Variants in MGMT observed in about 807,000 individuals in gnomAD.
MGMT encodes the protein methylated-DNA--protein-cysteine methyltransferase.
In MGMT, 14 loss-of-function variants were observed where a neutral mutation model predicts 15.9. The ratio of observed to expected loss-of-function variants is 0.88; its 90% CI spans 0.58 to 1.37. The LOEUF is 1.37. MGMT is among the 40% of genes most tolerant of loss of function. MGMT has a pLI of 0.00. For missense variants in MGMT, 282 were observed against 268.1 expected (o/e 1.05, Z -0.36); for synonymous variants, 130 against 118.2 (o/e 1.10, Z -0.65).
chr10:129,660,969 A>C (rs1481810678), intron 2 of MGMT, among the ~76,000 whole-genome samples: 1 of 152,206 alleles, frequency 6.6e-6, no homozygotes, highest in East Asian at 1.9e-4. Context: ...ACAGCCGTAA[A>C]ATCCTCTTTC....
chr10:129,623,100 T>G (rs990643361), intron 2 of MGMT, among the ~76,000 whole-genome samples: 8 of 152,254 alleles, frequency 5.3e-5, no homozygotes, highest in Non-Finnish European at 8.8e-5. Flanking sequence ...AGTGGCTGAT[T>G]ACTCTGCGTA....
At chr10:129,511,841 A>T (rs1564838526) in intron 1 of MGMT, among the ~76,000 whole-genome samples, 1 of 151,938 alleles carries the variant, frequency 6.6e-6, no homozygotes. Context: ...GGGCCTACCC[A>T]CTCCTGCTGT....
At chr10:129,582,335 G>C (rs1461318361) in intron 2 of MGMT, among the ~76,000 whole-genome samples, 2 of 152,204 alleles carry the variant, frequency 1.3e-5, no homozygotes, top group African/African-American at 2.4e-5. Flanking sequence ...TTAGTTCAGA[G>C]AGTCCCTCCT....
chr10:129,759,897 A>G (rs1848852474), intron 4 of MGMT, among the ~76,000 whole-genome samples: 2 of 152,204 alleles, frequency 1.3e-5, no homozygotes, highest in Non-Finnish European at 2.9e-5. Context: ...GAGGCCTTGC[A>G]GCATGGGACA....
At chr10:129,580,780 A>G (rs75956370) in intron 2 of MGMT, among the ~76,000 whole-genome samples, 4,947 of 152,220 alleles carry the variant, frequency 0.032, 132 homozygotes, top group South Asian at 0.064. Context: ...ACACCCCACA[A>G]CTGGGCAGCT....
At chr10:129,543,967 G>A (rs1418766771) in intron 2 of MGMT, among the ~76,000 whole-genome samples, 1 of 152,192 alleles carries the variant, frequency 6.6e-6, no homozygotes, top group Non-Finnish European at 1.5e-5. Flanking sequence ...AGAGTAACAG[G>A]TAAATGGGTT....
intron 3 of MGMT, among the ~76,000 whole-genome samples, chr10:129,744,677 A>C (rs1038894710): frequency 7.9e-5 from 12 of 152,162 alleles, no homozygotes; most frequent in Admixed American, 7.8e-4. Context: ...GTGGGGCTGC[A>C]GGCACCTCCT....
At chr10:129,667,118 C>T (rs750035388) in intron 2 of MGMT, among the ~76,000 whole-genome samples, 3 of 152,266 alleles carry the variant, frequency 2.0e-5, no homozygotes, top group Middle Eastern at 3.4e-3. Flanking sequence ...CAGAGAGAAG[C>T]GCCTGCAGTG....
chr10:129,599,100 C>T (rs1846787013), intron 2 of MGMT, among the ~76,000 whole-genome samples: 1 of 152,182 alleles, frequency 6.6e-6, no homozygotes, highest in South Asian at 2.1e-4. Flanking sequence ...CCTCCCAAAG[C>T]CAGAGTAGGC....
At position 129,720,987 on chromosome 10, in the gene MGMT, A is replaced by G. The variant is rs576741075; in HGVS notation, c.274+12944A>G. 1.1e-4 allele frequency among the ~76,000 whole-genome samples: 17 copies of G among 152,280 alleles called. No individual in the cohort carries two copies. The South Asian group carries it at 1.2e-3, about 11-fold the overall frequency. On this transcript the variant is annotated intron_variant, in intron 3 of 4. Transcript: ENST00000651593. ...AAATATGTAAATAAATACATTTGCA[A>G]TCATATGTTATCGGATGAGAAGGGT...
At chr10:129,646,550 G>A (rs1008395548) in intron 2 of MGMT, among the ~76,000 whole-genome samples, 7 of 150,996 alleles carry the variant, frequency 4.6e-5, no homozygotes, top group East Asian at 1.9e-4. Flanking sequence ...GGTTAGTGTC[G>A]GGGCACGGTG....
At chr10:129,673,074 G>C (rs1847742888) in intron 2 of MGMT, among the ~76,000 whole-genome samples, 1 of 152,136 alleles carries the variant, frequency 6.6e-6, no homozygotes, top group Admixed American at 6.5e-5. Flanking sequence ...TGGCCATTCA[G>C]ATTCTTCCCC....
At chr10:129,705,753 T>A (rs554066679) in intron 2 of MGMT, among the ~76,000 whole-genome samples, 1 of 152,220 alleles carries the variant, frequency 6.6e-6, no homozygotes, top group Non-Finnish European at 1.5e-5. Flanking sequence ...TCCGGGGCTG[T>A]GGTCCTCCTG....
At chr10:129,616,803 C>G (rs533340472) in intron 2 of MGMT, among the ~76,000 whole-genome samples, 4 of 152,250 alleles carry the variant, frequency 2.6e-5, no homozygotes, top group Admixed American at 2.6e-4. Context: ...TGTCTCCTTT[C>G]TACTTGCAGA....
chr10:129,758,030 A>G (rs1231532889), intron 3 of MGMT, among the ~76,000 whole-genome samples: 1 of 152,242 alleles, frequency 6.6e-6, no homozygotes, highest in Non-Finnish European at 1.5e-5. Context: ...ATTAATGAAC[A>G]ACAAAGTTAA....
chr10:129,606,884 G>A (rs1298202871), intron 2 of MGMT, among the ~76,000 whole-genome samples: 2 of 152,196 alleles, frequency 1.3e-5, no homozygotes, highest in African/African-American at 2.4e-5. Flanking sequence ...CATAATGTTT[G>A]ATAAGCAATG....
chr10:129,569,502 G>A (rs56223416), intron 2 of MGMT, among the ~76,000 whole-genome samples: 4,939 of 152,174 alleles, frequency 0.032, 130 homozygotes, highest in South Asian at 0.064. Flanking sequence ...CCTTCCTCCC[G>A]ACGTGCTGGG....
chr10:129,665,437 G>C (rs1847648520), intron 2 of MGMT, among the ~76,000 whole-genome samples: 1 of 151,734 alleles, frequency 6.6e-6, no homozygotes, highest in South Asian at 2.1e-4. Context: ...GTTCAGATCA[G>C]CCCTGAGAAA....
chr10:129,530,032 C>G (rs927131262), intron 1 of MGMT, among the ~76,000 whole-genome samples: 1 of 152,136 alleles, frequency 6.6e-6, no homozygotes, highest in Non-Finnish European at 1.5e-5. Flanking sequence ...TCCCGAGTAG[C>G]TGGAACTACA....
Sources: gnomAD v4.1 joint callset for allele counts (sites outside exome capture counted in the v4.1 genomes callset) on GRCh38, gnomAD v4.1.1 for gene constraint, MANE v1.5 for transcripts, NCBI Gene and HGNC (gene_info 2026-07-23, HGNC 2026-07-21) for gene names.